The following ROBO2 variants were observed in gnomAD, a reference collection of about 807,000 sequenced individuals.
The protein encoded by ROBO2 is roundabout homolog 2.
ROBO2 carries 53 observed loss-of-function variants against 160.8 expected under a neutral mutation model. The ratio of observed to expected loss-of-function variants is 0.33; its 90% CI spans 0.26 to 0.41. The LOEUF is 0.41. Among genes scored for constraint, ROBO2 ranks in the 10% least tolerant of loss-of-function variants. The pLI is 1.00. For missense variants in ROBO2, 1,577 were observed against 1,722.4 expected (o/e 0.92, Z 1.49); for synonymous variants, 664 against 611.7 (o/e 1.09, Z -1.26).
intron 2 of ROBO2, among the ~76,000 whole-genome samples, chr3:76,235,604 C>T (rs1185105300): frequency 6.6e-6 from 1 of 152,118 alleles, no homozygotes; most frequent in Non-Finnish European, 1.5e-5. Flanking sequence ...AAAAAGTCAA[C>T]TTAAAGAGAC....
intron 2 of ROBO2, among the ~76,000 whole-genome samples, chr3:76,810,073 T>C (rs777576113): frequency 6.6e-6 from 1 of 152,056 alleles, no homozygotes; most frequent in Non-Finnish European, 1.5e-5. Flanking sequence ...AAAATTAAAA[T>C]GAGTTATTGA....
chr3:77,084,555 G>A (rs1423750958), intron 1 of ROBO2, among the ~76,000 whole-genome samples: 2 of 151,870 alleles, frequency 1.3e-5, no homozygotes, highest in Non-Finnish European at 2.9e-5. Flanking sequence ...TTCCACTCTT[G>A]TGCTTTGTGA....
intron 2 of ROBO2, among the ~76,000 whole-genome samples, chr3:76,745,849 A>C (rs2093879672): frequency 6.7e-6 from 1 of 148,604 alleles, no homozygotes; most frequent in Admixed American, 6.7e-5. Context: ...TATTATTATT[A>C]TACTTTAAGT....
At chr3:76,369,790 C>T (rs76291842) in intron 2 of ROBO2, among the ~76,000 whole-genome samples, 4,917 of 151,890 alleles carry the variant, frequency 0.032, 254 homozygotes, top group African/African-American at 0.11. Flanking sequence ...TAAAACTCTC[C>T]TCTCATTTCC....
At position 76,896,744 on chromosome 3, in the gene ROBO2, A is replaced by G. The variant is rs137956143; in HGVS notation, c.110-201270A>G. ...GTGACTGGGAGTTTATCATATCCTC[A>G]CTAGATAAGAACTGTTGTCATTACA... On this transcript the variant is annotated intron_variant, in intron 2 of 26. Transcript: ENST00000487694. 4.3e-3 allele frequency among the ~76,000 whole-genome samples: 656 copies of G among 152,222 alleles called. 4 individuals are homozygous for G. Among genetic ancestry groups the G allele is most frequent in the African/African-American group, 0.014 (583 of 41,540 alleles).
At chr3:77,581,285 T>C (rs972294865) in intron 16 of ROBO2, among the ~76,000 whole-genome samples, 1 of 152,120 alleles carries the variant, frequency 6.6e-6, no homozygotes, top group East Asian at 1.9e-4. Flanking sequence ...TTCATTTTCT[T>C]AATAGTGTCA....
intron 2 of ROBO2, among the ~76,000 whole-genome samples, chr3:76,337,052 T>A (rs1005529286): frequency 2.6e-5 from 4 of 152,172 alleles, no homozygotes; most frequent in Non-Finnish European, 5.9e-5. Context: ...TCCAGCAAGT[T>A]TGATTACAGT....
At chr3:76,921,561 G>A (rs765602516) in intron 2 of ROBO2, among the ~76,000 whole-genome samples, 10 of 152,264 alleles carry the variant, frequency 6.6e-5, no homozygotes, top group Non-Finnish European at 8.8e-5. Flanking sequence ...GTAGTGTGCC[G>A]GGATTGCTCC....
intron 6 of ROBO2, among the ~76,000 whole-genome samples, chr3:77,530,972 A>T (rs2153634664): frequency 6.6e-6 from 1 of 152,140 alleles, no homozygotes; most frequent in South Asian, 2.1e-4. Flanking sequence ...ATAAAAAAAG[A>T]ACATCTATTT....
intron 23 of ROBO2, chr3:77,632,773 G>C: frequency 1.1e-6 from 1 of 893,736 alleles, no homozygotes; most frequent in African/African-American, 1.7e-5. Flanking sequence ...TCTTTAATAC[G>C]CATGAATACA....
rs182237621 is a variant in ROBO2, at chr3:76,055,015, A to G, written c.109+117413A>G. On this transcript the variant is annotated intron_variant, in intron 2 of 26. Coordinates refer to the ROBO2 transcript ENST00000487694. ...ATACCCGAGACTGGGTCATTTATCA[A>G]GGAAAGAGGTTTAATTGACTCACAG... Among the ~76,000 whole-genome samples the G allele has an allele frequency of 1.1e-4, 16 of 152,338 alleles. No individual in the cohort carries two copies. The East Asian group carries it at 3.1e-3, about 29-fold the overall frequency.
At chr3:76,223,181 A>G (rs1036600263) in intron 2 of ROBO2, among the ~76,000 whole-genome samples, 4 of 151,840 alleles carry the variant, frequency 2.6e-5, no homozygotes, top group African/African-American at 9.7e-5. Context: ...TGCTTCGTTT[A>G]TCACCTTTAG....
intron 2 of ROBO2, among the ~76,000 whole-genome samples, chr3:76,759,262 C>G (rs1053177514): frequency 2.6e-5 from 4 of 151,648 alleles, no homozygotes; most frequent in African/African-American, 9.7e-5. Context: ...ATGCTTTTCC[C>G]CTCCACCTAT....
chr3:76,147,957 G>GAAC (rs943495632), intron 2 of ROBO2, among the ~76,000 whole-genome samples: 5 of 151,936 alleles, frequency 3.3e-5, no homozygotes, highest in African/African-American at 1.2e-4. Context: ...GTTATCTATA[G>GAAC]AACAGTTAAG....
chr3:77,613,365 CT>C (rs1041438179), intron 21 of ROBO2, among the ~76,000 whole-genome samples: 1 of 151,912 alleles, frequency 6.6e-6, no homozygotes, highest in African/African-American at 2.4e-5. Flanking sequence ...CATTTTCGTT[CT>C]TTTTTCCAAG....
chr3:76,429,578 G>C (rs554038628), intron 2 of ROBO2, among the ~76,000 whole-genome samples: 1 of 152,234 alleles, frequency 6.6e-6, no homozygotes, highest in South Asian at 2.1e-4. Flanking sequence ...GAGAATTTGG[G>C]TCTTCCATAA....
intron 2 of ROBO2, among the ~76,000 whole-genome samples, chr3:76,256,885 G>A (rs933703354): frequency 6.6e-6 from 1 of 151,946 alleles, no homozygotes; most frequent in Non-Finnish European, 1.5e-5. Context: ...AAGTCCAAGG[G>A]AGCACAGGCA....
At chr3:76,164,775 T>C (rs892482498) in intron 2 of ROBO2, among the ~76,000 whole-genome samples, 1 of 152,114 alleles carries the variant, frequency 6.6e-6, no homozygotes, top group East Asian at 1.9e-4. Context: ...GGCCCTAGGG[T>C]CTTTGAAATG....
At chr3:76,522,968 TATA>T (rs2081717700) in intron 2 of ROBO2, among the ~76,000 whole-genome samples, 1 of 148,508 alleles carries the variant, frequency 6.7e-6, no homozygotes, top group Non-Finnish European at 1.5e-5. Flanking sequence ...ATTATGATTA[TATA>T]ATTATTTAAA....
Sources: gnomAD v4.1 joint callset for allele counts (sites outside exome capture counted in the v4.1 genomes callset) on GRCh38, gnomAD v4.1.1 for gene constraint, MANE v1.5 for transcripts, NCBI Gene and HGNC (gene_info 2026-07-23, HGNC 2026-07-21) for gene names.